RAD52: variants seen among roughly 807,000 people sequenced by gnomAD.
RAD52 encodes the protein RAD52 DNA repair protein.
RAD52 carries 47 observed loss-of-function variants against 55.5 expected under a neutral mutation model. The ratio of observed to expected loss-of-function variants is 0.85; its 90% confidence interval spans 0.67 to 1.08. RAD52 has a LOEUF of 1.08. Among genes scored for constraint, RAD52 ranks in the 50% least tolerant of loss-of-function variants. The pLI is 0.00. For missense variants in RAD52, 468 were observed against 522.8 expected, an observed-to-expected ratio of 0.90 and a Z score of 1.02; for synonymous variants, 184 against 198.9, an observed-to-expected ratio of 0.92 and a Z score of 0.63.
intron 7 of RAD52, among the ~76,000 whole-genome samples, chr12:922,263 A>T (rs1030601108): frequency 2.0e-5 from 3 of 151,608 alleles, no homozygotes; most frequent in African/African-American, 7.3e-5. Context: ...GAAAAATCTG[A>T]ACTCATGTGC....
intron 7 of RAD52, among the ~76,000 whole-genome samples, chr12:922,191 T>TAAAA (rs79763100): frequency 0.038 from 3,108 of 81,234 alleles, 71 homozygotes; most frequent in Non-Finnish European, 0.056. Flanking sequence ...TAGGTTGGCT[T>TAAAA]AAAAAAAAAA....
intron 1 of RAD52, among the ~76,000 whole-genome samples, chr12:972,387 G>A (rs1408776699): frequency 1.3e-5 from 2 of 152,168 alleles, no homozygotes; most frequent in Non-Finnish European, 2.9e-5. Flanking sequence ...CACCAGGGAA[G>A]GCTCAGGCAT....
At chr12:916,936 C>T (rs1221284067) in intron 7 of RAD52, 116 bp from the exon 8 acceptor site, 4 of 1,405,258 alleles carry the variant, frequency 2.8e-6, no homozygotes, top group South Asian at 2.7e-5. Flanking sequence ...CCATCCATCA[C>T]GCCTTCTAGG....
chr12:986,817 C>T (rs967951325), intron 1 of RAD52, among the ~76,000 whole-genome samples: 70 of 151,150 alleles, frequency 4.6e-4, no homozygotes, highest in African/African-American at 1.6e-3. Flanking sequence ...GTTTTCTCTC[C>T]CAGAACTCCT....
At chr12:932,804 AGGT>A (rs1957394320) in intron 2 of RAD52, among the ~76,000 whole-genome samples, 168 bp downstream of exon 2, 1 of 27,096 alleles carries the variant, frequency 3.7e-5, no homozygotes, top group Non-Finnish European at 1.7e-4. Context: ...TCAACGTACT[AGGT>A]ACTGCTCACA....
intron 1 of RAD52, among the ~76,000 whole-genome samples, chr12:947,886 CAA>C (rs10602471): frequency 0.5 from 45,549 of 90,932 alleles, 10,397 homozygotes; most frequent in Middle Eastern, 0.59. Context: ...AACTTCATCT[CAA>C]AAAAAAAAAA....
rs751291597 is a variant in RAD52 at position 916,295 on chromosome 12, CT to C, written c.865+48del. 13 of 1,591,592 alleles carry C rather than the reference CT, an allele frequency of 8.2e-6. No homozygotes were observed. In the African/African-American group the frequency reaches 1.8e-4, roughly 21 times the overall value. On this transcript the variant is annotated intron_variant, in intron 9 of 11. Coordinates refer to ENST00000358495, the MANE Select transcript of RAD52 (RefSeq NM_134424.4). The stretch of plus-strand genomic sequence containing the variant: ...AGAATCAGAAGACCCTGCGGCTACA[CT>C]TCCTCCTGCAGACGCCTCCCAGGGC...
chr12:939,340 C>T (rs1957804552), intron 1 of RAD52, among the ~76,000 whole-genome samples: 1 of 151,720 alleles, frequency 6.6e-6, no homozygotes, highest in Non-Finnish European at 1.5e-5. Flanking sequence ...TGTAGAGACA[C>T]GGGTCTCACT....
intron 1 of RAD52, among the ~76,000 whole-genome samples, chr12:936,489 A>AAT (rs920061694): frequency 4.7e-5 from 7 of 150,200 alleles, no homozygotes; most frequent in African/African-American, 1.7e-4. Flanking sequence ...TAAAAGTAAA[A>AAT]AAAAAAAAAA....
At chr12:926,912 A>C in intron 6 of RAD52, 1 of 1,537,200 alleles carries the variant, frequency 6.5e-7, no homozygotes, top group Non-Finnish European at 8.7e-7. Context: ...AAGAGAGAGT[A>C]CAGGATTCTA....
Position 955,478 on chromosome 12 carries a change from C to A in RAD52, c.-18-22402G>T, listed in dbSNP as rs59949776. Among the ~76,000 whole-genome samples the A allele has an allele frequency of 2.3e-4, 33 of 140,584 alleles. No homozygotes were observed. The South Asian group carries it at 7.2e-3, about 31-fold the overall frequency. The allele number at this position is 140,584 out of a possible 152,430, so 92.2% of individuals were successfully genotyped here. A position where few individuals can be genotyped will look rare whatever the true frequency, so the allele number is the denominator to read the frequency against. On this transcript the variant is annotated intron_variant, in intron 1 of 11. Transcript: ENST00000430095. The stretch of plus-strand genomic sequence containing the variant: ...CAACGTACTGTTCTTCTTCTTCTTT[C>A]TTTTTTTTTTTTTGAGACGGAGTCT...
At chr12:956,314 C>T (rs1958605439) in intron 1 of RAD52, among the ~76,000 whole-genome samples, 1 of 152,194 alleles carries the variant, frequency 6.6e-6, no homozygotes, top group South Asian at 2.1e-4. Context: ...GCACTTAGAA[C>T]AACCCTGTGC....
At chr12:923,849 G>A (rs905605115) in intron 7 of RAD52, among the ~76,000 whole-genome samples, 2 of 149,800 alleles carry the variant, frequency 1.3e-5, no homozygotes, top group African/African-American at 4.9e-5. Flanking sequence ...CTTGAGGTCA[G>A]GAGTTCAAGA....
chr12:964,981 T>TCC (rs56850385), intron 1 of RAD52, among the ~76,000 whole-genome samples: 133 of 151,108 alleles, frequency 8.8e-4, no homozygotes, highest in Non-Finnish European at 1.5e-3. Flanking sequence ...CTTCCTTCCT[T>TCC]TTTGATGTTT....
At chr12:915,110 G>A (rs2154107982) in intron 9 of RAD52, among the ~76,000 whole-genome samples, 1 of 152,312 alleles carries the variant, frequency 6.6e-6, no homozygotes, top group South Asian at 2.1e-4. Context: ...CTCCAGGCTG[G>A]GTGACAGAGC....
intron 1 of RAD52, among the ~76,000 whole-genome samples, chr12:962,444 A>C (rs1335149735): frequency 6.7e-6 from 1 of 148,720 alleles, no homozygotes; most frequent in Non-Finnish European, 1.5e-5. Context: ...GGTTCACACC[A>C]TTCTCCTGCC....
At chr12:926,954 A>G (rs1320693630) in intron 6 of RAD52, 191 bp downstream of exon 6, 2 of 1,544,916 alleles carry the variant, frequency 1.3e-6, no homozygotes, top group African/African-American at 2.7e-5. Flanking sequence ...AGCCTGAAAC[A>G]GAAACATTGA....
chr12:940,633 A>C (rs933263827), intron 1 of RAD52, among the ~76,000 whole-genome samples: 1 of 152,020 alleles, frequency 6.6e-6, no homozygotes, highest in Non-Finnish European at 1.5e-5. Flanking sequence ...AACAAAACAA[A>C]ACCAAAGAGA....
chr12:942,571 ACC>A (rs1423796487), intron 1 of RAD52, among the ~76,000 whole-genome samples: 1 of 152,064 alleles, frequency 6.6e-6, no homozygotes, highest in Non-Finnish European at 1.5e-5. Context: ...ACCTGGTGAA[ACC>A]CTGTCTCTAA....
Sources: allele counts gnomAD v4.1 joint callset (sites outside exome capture counted in the v4.1 genomes callset), GRCh38; gene constraint gnomAD v4.1.1; transcripts MANE v1.5; gene names NCBI Gene and HGNC (gene_info 2026-07-23, HGNC 2026-07-21).